Variants in ADAMTS17 observed in about 807,000 individuals in gnomAD.
The protein encoded by ADAMTS17 is A disintegrin and metalloproteinase with thrombospondin motifs 17.
In ADAMTS17, 113 loss-of-function variants were observed where a neutral mutation model predicts 141.5. That is an observed-to-expected ratio of 0.80 (90% CI 0.69 to 0.93). The LOEUF (loss-of-function observed/expected upper bound fraction) is 0.93, where lower values mean the gene tolerates loss of function less well. Among genes scored for constraint, ADAMTS17 ranks in the 40% least tolerant of loss-of-function variants. The pLI, the probability that ADAMTS17 is intolerant of heterozygous loss-of-function variation, is 0.00. For synonymous variants in ADAMTS17, 768 were observed against 630.6 expected (o/e 1.22, Z -3.27); for missense variants, 1,659 against 1,517.9 (o/e 1.09, Z -1.54).
At chr15:100,316,384 G>A (rs746498328) in intron 3 of ADAMTS17, among the ~76,000 whole-genome samples, 5 of 152,192 alleles carry the variant, frequency 3.3e-5, no homozygotes, top group African/African-American at 9.6e-5. Flanking sequence ...AAGAACCCCC[G>A]GATCACACTT....
chr15:100,317,647 T>C (rs1211422234), intron 3 of ADAMTS17, among the ~76,000 whole-genome samples: 5 of 151,992 alleles, frequency 3.3e-5, no homozygotes, highest in Admixed American at 6.6e-5. Context: ...GTTGAGCATT[T>C]TGGGGGGGAC....
intron 20 of ADAMTS17, among the ~76,000 whole-genome samples, chr15:99,986,959 G>T (rs2141305684): frequency 6.6e-6 from 1 of 152,338 alleles, no homozygotes; most frequent in South Asian, 2.1e-4. Flanking sequence ...CGTGATGTGT[G>T]TCCCTCATAC....
At chr15:100,231,947 C>T (rs972173898) in intron 7 of ADAMTS17, among the ~76,000 whole-genome samples, 3 of 152,166 alleles carry the variant, frequency 2.0e-5, no homozygotes, top group African/African-American at 7.2e-5. Context: ...TTGGCATCGT[C>T]CTTAGTCTCC....
At position 100,265,252 on chromosome 15, in the gene ADAMTS17, G is replaced by A. The variant is rs182478395; in HGVS notation, c.790-2817C>T. 7.2e-3 allele frequency among the ~76,000 whole-genome samples: 1,094 copies of A among 152,264 alleles called. 10 individuals are homozygous for A. The highest frequency in any genetic ancestry group is 0.021 in the African/African-American group (893 of 41,558). ...AGCCAGGCGAGCCAGGTGACAATCC[G>A]ACGACAGCCACAAAACACAAGGCAC... On this transcript the variant is annotated intron_variant, in intron 4 of 21. Coordinates refer to ENST00000268070, the MANE Select transcript of ADAMTS17 (RefSeq NM_139057.4).
chr15:100,007,995 G>A (rs2061071209), intron 18 of ADAMTS17, among the ~76,000 whole-genome samples: 1 of 152,136 alleles, frequency 6.6e-6, no homozygotes, highest in African/African-American at 2.4e-5. Context: ...GGTCAGGGAT[G>A]CCGGGAAGGG....
At chr15:100,171,685 GA>G (rs1360297435) in intron 8 of ADAMTS17, among the ~76,000 whole-genome samples, 1 of 152,142 alleles carries the variant, frequency 6.6e-6, no homozygotes, top group Non-Finnish European at 1.5e-5. Flanking sequence ...GGTCTTTGGA[GA>G]ACCCCCAAAA....
intron 3 of ADAMTS17, among the ~76,000 whole-genome samples, chr15:100,315,320 C>G (rs994408784): frequency 1.3e-5 from 2 of 152,200 alleles, no homozygotes; most frequent in Non-Finnish European, 2.9e-5. Context: ...CTCCCCCCAC[C>G]CTTCCCAGGG....
At chr15:100,251,893 G>C (rs891319906) in intron 7 of ADAMTS17, among the ~76,000 whole-genome samples, 1 of 152,216 alleles carries the variant, frequency 6.6e-6, no homozygotes, top group Admixed American at 6.5e-5. Flanking sequence ...GCCAGCTACG[G>C]CCAAGAGGAG....
chr15:100,174,414 G>A (rs2040264939), intron 8 of ADAMTS17, among the ~76,000 whole-genome samples: 1 of 150,368 alleles, frequency 6.7e-6, no homozygotes, highest in Non-Finnish European at 1.5e-5. Context: ...ACCCTAGTTT[G>A]TGCGACTCTG....
rs1195831008 is a variant in ADAMTS17, at chr15:100,324,353, CAT to C, written c.616+6534_616+6535del. ...AAAAGCTCTGAAGCAAATCTGACCA[CAT>C]GTTAACATAGGGTAGGTCTGAATAC... is the stretch of plus-strand genomic sequence containing the variant. On this transcript the variant is annotated intron_variant, in intron 3 of 21. Coordinates refer to ENST00000268070, the MANE Select transcript of ADAMTS17 (RefSeq NM_139057.4). Among the ~76,000 whole-genome samples the C allele has an allele frequency of 6.6e-5, 10 of 152,144 alleles. 1 individual carries two copies. In the East Asian group the frequency reaches 1.7e-3, roughly 26 times the overall value.
chr15:100,227,471 G>A (rs1197200501), intron 7 of ADAMTS17, among the ~76,000 whole-genome samples: 2 of 152,332 alleles, frequency 1.3e-5, no homozygotes, highest in East Asian at 3.9e-4. Context: ...TTGGCCGCAA[G>A]TAATAGAAAA....
chr15:100,176,794 G>C (rs564935098), intron 8 of ADAMTS17, among the ~76,000 whole-genome samples: 2 of 152,214 alleles, frequency 1.3e-5, no homozygotes, highest in South Asian at 4.2e-4. Flanking sequence ...TTCAAACCCT[G>C]GCCACCACTA....
intron 18 of ADAMTS17, among the ~76,000 whole-genome samples, chr15:100,010,734 G>A (rs2061149224): frequency 6.6e-6 from 1 of 152,166 alleles, no homozygotes. Flanking sequence ...TGCTTTTATT[G>A]AACAGATGTC....
chr15:100,162,895 T>A (rs993950429), intron 8 of ADAMTS17, among the ~76,000 whole-genome samples: 16 of 146,566 alleles, frequency 1.1e-4, no homozygotes, highest in African/African-American at 4.0e-4. Flanking sequence ...TATGTGTATA[T>A]AGAACTATAT....
chr15:100,146,557 T>C (rs2038913481), intron 10 of ADAMTS17, among the ~76,000 whole-genome samples: 2 of 152,222 alleles, frequency 1.3e-5, no homozygotes, highest in Non-Finnish European at 2.9e-5. Flanking sequence ...ACAGCATGTG[T>C]GTTTGAACAA....
intron 12 of ADAMTS17, chr15:100,126,384 C>T (rs1170373116): frequency 6.6e-6 from 1 of 152,218 alleles, no homozygotes; most frequent in African/African-American, 2.4e-5. Context: ...AAGAGACTAC[C>T]AAGGTGTAAA....
At chr15:100,319,871 G>T (rs572138780) in intron 3 of ADAMTS17, among the ~76,000 whole-genome samples, 2 of 151,838 alleles carry the variant, frequency 1.3e-5, no homozygotes, top group Admixed American at 6.6e-5. Flanking sequence ...CAGAGGTTGC[G>T]GTGAGCTGAG....
chr15:100,295,284 A>G (rs373509238), intron 3 of ADAMTS17, among the ~76,000 whole-genome samples: 121 of 152,182 alleles, frequency 8.0e-4, no homozygotes, highest in East Asian at 7.0e-3. Flanking sequence ...ACGCTGCTCT[A>G]TAACTCTGGG....
intron 2 of ADAMTS17, among the ~76,000 whole-genome samples, chr15:100,336,801 T>C (rs11854528): frequency 0.22 from 33,012 of 152,164 alleles, 4,073 homozygotes; most frequent in Middle Eastern, 0.4. Context: ...AGTAGTAACA[T>C]CCCAAACCTG....
Sources: allele counts gnomAD v4.1 joint callset (sites outside exome capture counted in the v4.1 genomes callset), GRCh38; gene constraint gnomAD v4.1.1; transcripts MANE v1.5; gene names NCBI Gene and HGNC (gene_info 2026-07-23, HGNC 2026-07-21).